RABGAP1L: variants seen among roughly 807,000 people sequenced by gnomAD.
RABGAP1L encodes RAB GTPase activating protein 1 like, also known as rab GTPase-activating protein 1-like.
RABGAP1L carries 63 observed loss-of-function variants against 137.7 expected under a neutral mutation model. The ratio of observed to expected loss-of-function variants is 0.46; its 90% CI spans 0.37 to 0.56. RABGAP1L has a LOEUF of 0.56. Among genes scored for constraint, RABGAP1L ranks in the 20% least tolerant of loss-of-function variants. RABGAP1L has a pLI of 0.00. For missense variants in RABGAP1L, 1,095 were observed against 1,244.0 expected, an observed-to-expected ratio of 0.88 and a Z score of 1.80; for synonymous variants, 431 against 433.7, an observed-to-expected ratio of 0.99 and a Z score of 0.08.
intron 10 of RABGAP1L, among the ~76,000 whole-genome samples, chr1:174,285,546 A>G (rs1675986484): frequency 6.6e-6 from 1 of 150,472 alleles, no homozygotes; most frequent in Admixed American, 6.6e-5. Flanking sequence ...TGGAGTCATC[A>G]GAATTTTCTA....
intron 11 of RABGAP1L, among the ~76,000 whole-genome samples, chr1:174,340,099 A>T (rs951612633): frequency 6.6e-6 from 1 of 152,106 alleles, no homozygotes; most frequent in Admixed American, 6.5e-5. Flanking sequence ...TTGCACACTA[A>T]TGTCAAATTT....
At chr1:174,763,798 A>G (rs1573079154) in intron 18 of RABGAP1L, among the ~76,000 whole-genome samples, 1 of 143,250 alleles carries the variant, frequency 7.0e-6, no homozygotes, top group East Asian at 2.0e-4. Context: ...AGATCGTGCC[A>G]CTGCACTCCA....
intron 11 of RABGAP1L, among the ~76,000 whole-genome samples, chr1:174,332,958 T>C (rs1681165276): frequency 2.0e-5 from 3 of 152,192 alleles, no homozygotes; most frequent in Non-Finnish European, 4.4e-5. Context: ...AAATGTATTA[T>C]ACATACACAA....
intron 13 of RABGAP1L, chr1:174,545,568 C>T (rs1363559791): frequency 3.9e-5 from 6 of 152,218 alleles, no homozygotes; most frequent in Non-Finnish European, 7.3e-5. Context: ...AGCAATGCCC[C>T]ACGCTGCTCC....
intron 24 of RABGAP1L, among the ~76,000 whole-genome samples, chr1:174,983,645 C>T (rs1488712832): frequency 1.3e-5 from 2 of 152,112 alleles, no homozygotes; most frequent in African/African-American, 2.4e-5. Flanking sequence ...AGTGATTTAA[C>T]CTTTTTAAGC....
At chr1:174,874,392 A>C in intron 19 of RABGAP1L, 4 of 869,494 alleles carry the variant, frequency 4.6e-6, no homozygotes, top group Non-Finnish European at 5.5e-6. Context: ...TAGCGAAGTT[A>C]AATGACTTGC....
chr1:174,250,721 G>A, intron 6 of RABGAP1L, 89 bp downstream of exon 6: 2 of 1,174,662 alleles, frequency 1.7e-6, no homozygotes, highest in Non-Finnish European at 1.2e-6. Flanking sequence ...TACAGTGTTG[G>A]CATAAAGCCT....
At chr1:174,353,516 A>T (rs919491578) in intron 11 of RABGAP1L, among the ~76,000 whole-genome samples, 1 of 152,272 alleles carries the variant, frequency 6.6e-6, no homozygotes, top group Non-Finnish European at 1.5e-5. Context: ...TTTCAAGTTT[A>T]TTTAGGACCC....
At chr1:174,464,541 C>T (rs1033762795) in intron 13 of RABGAP1L, among the ~76,000 whole-genome samples, 1 of 152,138 alleles carries the variant, frequency 6.6e-6, no homozygotes, top group African/African-American at 2.4e-5. Context: ...TTATTCCTTA[C>T]ACTGCTCATC....
chr1:174,357,884 T>C (rs1328620176), intron 11 of RABGAP1L, among the ~76,000 whole-genome samples: 1 of 152,250 alleles, frequency 6.6e-6, no homozygotes, highest in Non-Finnish European at 1.5e-5. Context: ...TATAGAGCTC[T>C]TGCCCTTTGC....
At chr1:174,570,940 AT>A (rs1667929873) in intron 13 of RABGAP1L, among the ~76,000 whole-genome samples, 1 of 152,232 alleles carries the variant, frequency 6.6e-6, no homozygotes, top group African/African-American at 2.4e-5. Flanking sequence ...AAGAAAGGAA[AT>A]GAGTATATGG....
chr1:174,649,180 C>T (rs1033895950), intron 14 of RABGAP1L, among the ~76,000 whole-genome samples: 6 of 152,036 alleles, frequency 3.9e-5, no homozygotes, highest in African/African-American at 1.2e-4. Flanking sequence ...TCTTTTAATT[C>T]GGGCATTTAG....
chr1:174,952,247 A>G (rs1009615607), intron 19 of RABGAP1L, among the ~76,000 whole-genome samples: 9 of 148,864 alleles, frequency 6.0e-5, no homozygotes, highest in Non-Finnish European at 1.2e-4. Context: ...CACACCTGTA[A>G]TCCCAGCACT....
At chr1:174,798,942 C>G (rs1374494931) in intron 18 of RABGAP1L, among the ~76,000 whole-genome samples, 1 of 152,118 alleles carries the variant, frequency 6.6e-6, no homozygotes, top group African/African-American at 2.4e-5. Flanking sequence ...TTATTCACAA[C>G]AAGTAAACTA....
At chr1:174,172,912 C>T (rs1034327793) in intron 1 of RABGAP1L, among the ~76,000 whole-genome samples, 2 of 152,004 alleles carry the variant, frequency 1.3e-5, no homozygotes, top group African/African-American at 2.4e-5. Context: ...TAGTATCCAC[C>T]AATATCATTG....
chr1:174,788,353 T>C (rs1446702270), intron 18 of RABGAP1L, among the ~76,000 whole-genome samples: 2 of 152,172 alleles, frequency 1.3e-5, no homozygotes, highest in Non-Finnish European at 2.9e-5. Flanking sequence ...GGCAGTTTTG[T>C]ATTAGTGAGT....
At chr1:174,807,220 T>C (rs1354350290) in intron 18 of RABGAP1L, among the ~76,000 whole-genome samples, 4 of 152,270 alleles carry the variant, frequency 2.6e-5, no homozygotes, top group Non-Finnish European at 5.9e-5. Context: ...TGTTTATCTC[T>C]GTAGTCAGAC....
chr1:174,764,588 A>G (rs1029272712), intron 18 of RABGAP1L, among the ~76,000 whole-genome samples: 6 of 152,100 alleles, frequency 3.9e-5, no homozygotes, highest in East Asian at 1.9e-4. Context: ...TCCTTAGCCA[A>G]AGGGTGAGGC....
chr1:174,719,696 G>A (rs913898945), intron 17 of RABGAP1L, among the ~76,000 whole-genome samples: 2 of 152,264 alleles, frequency 1.3e-5, no homozygotes, highest in East Asian at 1.9e-4. Context: ...ACATATTCAC[G>A]TAAAGGAACT....
Sources: allele counts gnomAD v4.1 joint callset (sites outside exome capture counted in the v4.1 genomes callset), GRCh38; gene constraint gnomAD v4.1.1; transcripts MANE v1.5; gene names NCBI Gene and HGNC (gene_info 2026-07-23, HGNC 2026-07-21).